OSBP2: variants seen among roughly 807,000 people sequenced by gnomAD.
OSBP2 encodes the protein oxysterol binding protein 2, also known as oxysterol-binding protein 2.
Under a neutral mutation model 96.0 loss-of-function variants are expected in OSBP2, and 66 were observed. The observed-to-expected ratio is 0.69, with a 90% CI of 0.56 to 0.84. The LOEUF (loss-of-function observed/expected upper bound fraction) is 0.84, where lower values mean the gene tolerates loss of function less well. Among genes scored for constraint, OSBP2 ranks in the 40% least tolerant of loss-of-function variants. OSBP2 has a pLI of 0.00. For missense variants in OSBP2, 1,038 were observed against 1,222.7 expected, an observed-to-expected ratio of 0.85 and a Z score of 2.25; for synonymous variants, 525 against 520.9, an observed-to-expected ratio of 1.01 and a Z score of -0.11.
intron 3 of OSBP2, among the ~76,000 whole-genome samples, chr22:30,879,701 G>A (rs1569162910): frequency 6.6e-6 from 1 of 152,272 alleles, no homozygotes; most frequent in Non-Finnish European, 1.5e-5. Context: ...CAGAATCGCA[G>A]TGCAGCTCCT....
chr22:30,868,410 G>C (rs1044606780), intron 2 of OSBP2, among the ~76,000 whole-genome samples: 3 of 152,256 alleles, frequency 2.0e-5, no homozygotes, highest in Non-Finnish European at 4.4e-5. Flanking sequence ...GGCCCAGCCC[G>C]TGTGGCCTCC....
At chr22:30,734,364 C>A (rs2089821389) in intron 1 of OSBP2, among the ~76,000 whole-genome samples, 1 of 152,160 alleles carries the variant, frequency 6.6e-6, no homozygotes, top group Non-Finnish European at 1.5e-5. Context: ...CTCAGTGAGA[C>A]CAGATGGTTC....
At chr22:30,754,594 C>A (rs950444010) in intron 2 of OSBP2, among the ~76,000 whole-genome samples, 1 of 152,162 alleles carries the variant, frequency 6.6e-6, no homozygotes, top group South Asian at 2.1e-4. Flanking sequence ...TGGCTTACAC[C>A]CCACCCTGCT....
intron 2 of OSBP2, among the ~76,000 whole-genome samples, chr22:30,827,495 C>T (rs2038428506): frequency 1.3e-5 from 2 of 152,328 alleles, no homozygotes; most frequent in South Asian, 4.1e-4. Context: ...CCCATCCTGG[C>T]ACATGGTAGC....
intron 3 of OSBP2, 108 bp from the exon 4 acceptor site, chr22:30,887,318 A>ATCTT: frequency 1.1e-6 from 1 of 910,112 alleles, no homozygotes; most frequent in Non-Finnish European, 1.7e-6. Context: ...TTTCAGCCTC[A>ATCTT]TCTTACCCAG....
intron 2 of OSBP2, among the ~76,000 whole-genome samples, chr22:30,829,528 A>G (rs2038479390): frequency 6.6e-6 from 1 of 152,084 alleles, no homozygotes; most frequent in African/African-American, 2.4e-5. Context: ...CCTGAACTCA[A>G]ATGGTCTGCC....
chr22:30,872,597 C>T (rs2035829867), intron 3 of OSBP2: 6 of 356,096 alleles, frequency 1.7e-5, no homozygotes, highest in South Asian at 1.1e-4. Flanking sequence ...GCAGAGTCAG[C>T]CCTGAGTGAC....
chr22:30,887,415 T>C lies in OSBP2; in HGVS notation c.1108-11T>C, dbSNP rs924996260. On this transcript the variant is annotated splice_polypyrimidine_tract_variant and intron_variant, in intron 3 of 13. Coordinates refer to ENST00000332585, the MANE Select transcript of OSBP2 (RefSeq NM_030758.4). ...GGCCAGGGTCTCATACCGCCACTCC[T>C]CCCTCCCCAGGCCTGCAGGGACTTC... 12 of 1,607,814 alleles carry C rather than the reference T, an allele frequency of 7.5e-6. No homozygotes were observed. The highest frequency in any genetic ancestry group is 9.4e-6 in the Non-Finnish European group (11 of 1,175,738).
chr22:30,803,923 C>A (rs1040269764), intron 2 of OSBP2, among the ~76,000 whole-genome samples: 2 of 152,192 alleles, frequency 1.3e-5, no homozygotes, highest in East Asian at 1.9e-4. Context: ...TCTGAGTAAG[C>A]AGTTCAGGGT....
intron 1 of OSBP2, among the ~76,000 whole-genome samples, chr22:30,712,147 C>A (rs1431094468): frequency 6.6e-6 from 1 of 152,150 alleles, no homozygotes; most frequent in Non-Finnish European, 1.5e-5. Context: ...ACCCTGTTCT[C>A]CAGATCTCCT....
rs989188253 is a variant in OSBP2 at position 30,870,104 on chromosome 22, T to C, written c.854-325T>C. The stretch of plus-strand genomic sequence containing the variant: ...GCCCATCCTTCCCTGCACACCACAA[T>C]GTAGGGAGCTGGCGCCCTGCATGCA... On this transcript the variant is annotated intron_variant, in intron 2 of 13. Transcript: ENST00000332585. The surrounding 1 kb of genome is among the most constrained non-coding windows in gnomAD (Gnocchi z 4.1). Among the ~76,000 whole-genome samples the C allele has an allele frequency of 2.0e-5, 3 of 152,154 alleles. No individual in the cohort carries two copies. Among genetic ancestry groups the C allele is most frequent in the African/African-American group, 7.2e-5 (3 of 41,460 alleles).
intron 1 of OSBP2, among the ~76,000 whole-genome samples, chr22:30,700,960 T>G (rs1602140461): frequency 6.6e-6 from 1 of 151,554 alleles, no homozygotes; most frequent in South Asian, 2.1e-4. Context: ...CTAGGCGTGG[T>G]GACGCATGCC....
intron 3 of OSBP2, among the ~76,000 whole-genome samples, chr22:30,884,821 C>A: frequency 6.6e-6 from 1 of 152,318 alleles, no homozygotes; most frequent in East Asian, 1.9e-4. Context: ...TCCCACCCCC[C>A]GGTAGGTGTC....
chr22:30,898,001 A>G (rs2040104241), intron 12 of OSBP2, among the ~76,000 whole-genome samples: 1 of 152,098 alleles, frequency 6.6e-6, no homozygotes, highest in Non-Finnish European at 1.5e-5. Context: ...CAATAAAAGC[A>G]ATGCTTCAAA....
chr22:30,898,186 A>C (rs2040108602), intron 12 of OSBP2, among the ~76,000 whole-genome samples: 8 of 151,986 alleles, frequency 5.3e-5, no homozygotes. Context: ...ACCAAAAAAA[A>C]ATTTTTTTTT....
chr22:30,893,594 C>G, intron 10 of OSBP2, 28 bp downstream of exon 10: 1 of 1,612,600 alleles, frequency 6.2e-7, no homozygotes, highest in South Asian at 1.1e-5. Flanking sequence ...GGAGGGGGTG[C>G]ATGGCCCGGG....
Position 30,890,714 on chromosome 22 carries a change from CTGTCCACCCACA to C in OSBP2, c.1624-13_1624-2del. ...GCTGGTGCCCAGCCTGACCACCCAC[CTGTCCACCCACA>C]GGTGAACTTCAATGAGCCCCTGTCC... On this transcript the variant is annotated splice_acceptor_variant and splice_polypyrimidine_tract_variant and intron_variant, in intron 7 of 13. Transcript: ENST00000332585. LOFTEE classifies it high-confidence loss of function. The surrounding 1 kb of genome is among the most constrained non-coding windows in gnomAD (Gnocchi z 4.4). 1.2e-6 allele frequency: 2 copies of C among 1,609,962 alleles called. No homozygotes were observed. The highest frequency in any genetic ancestry group is 2.7e-5 in the African/African-American group (2 of 75,028).
At chr22:30,893,758 GCACCC>G (rs1420452909) in intron 11 of OSBP2, 25 bp downstream of exon 11, 3 of 1,613,080 alleles carry the variant, frequency 1.9e-6, no homozygotes. Flanking sequence ...CCACCTCTAA[GCACCC>G]CAGGGGGCCC....
chr22:30,729,451 A>G (rs1159990799), intron 1 of OSBP2, among the ~76,000 whole-genome samples: 1 of 151,468 alleles, frequency 6.6e-6, no homozygotes, highest in Non-Finnish European at 1.5e-5. Context: ...CAGCCTGGCC[A>G]TCGTAATGAA....
Sources: gnomAD v4.1 joint callset for allele counts (sites outside exome capture counted in the v4.1 genomes callset) on GRCh38, gnomAD v4.1.1 for gene constraint, Gnocchi (gnomAD v3.1) non-coding constraint, MANE v1.5 for transcripts, NCBI Gene and HGNC (gene_info 2026-07-23, HGNC 2026-07-21) for gene names.